Variants in NSF observed in about 807,000 individuals in gnomAD.
NSF encodes the protein N-ethylmaleimide sensitive factor, vesicle fusing ATPase, also known as vesicle-fusing ATPase.
In NSF, 14 loss-of-function variants were observed where a neutral mutation model predicts 50.3. The ratio of observed to expected loss-of-function variants is 0.28; its 90% CI spans 0.18 to 0.44. NSF has a LOEUF of 0.44. NSF is among the 20% of genes least tolerant of loss of function. The probability of loss-of-function intolerance (pLI) is 1.00; values close to 1 mark genes in which losing one functional copy is unlikely to be tolerated. For synonymous variants in NSF, 109 were observed against 175.7 expected (o/e 0.62, Z 3.00); for missense variants, 218 against 504.3 (o/e 0.43, Z 5.44).
Position 46,697,215 on chromosome 17 carries a change from C to CT in NSF, c.1374+2566dup, listed in dbSNP as rs56144516. Among the ~76,000 whole-genome samples, 85 of 122,094 alleles carry CT rather than the reference C, an allele frequency of 7.0e-4. 9 individuals are homozygous for CT. The highest frequency in any genetic ancestry group is 1.3e-3 in the Admixed American group (14 of 10,924). 80.1% of individuals were successfully genotyped at this position (122,094 alleles called of 152,430 possible). On this transcript the variant is annotated intron_variant, in intron 12 of 20. Transcript: ENST00000398238. ...GGTAGGTGTCCAGTAAATTATTTTT[C>CT]TTTTTTTTTTTTTGAAACAGAGTCT...
At chr17:46,610,045 T>TTCTC (rs1351048299) in intron 1 of NSF, among the ~76,000 whole-genome samples, 1 of 86,218 alleles carries the variant, frequency 1.2e-5, no homozygotes, top group Non-Finnish European at 2.8e-5. Context: ...CTCTCTCTCT[T>TTCTC]TCTTTCTTTC....
At chr17:46,708,267 A>G (rs1461309448) in intron 13 of NSF, among the ~76,000 whole-genome samples, 4 of 152,138 alleles carry the variant, frequency 2.6e-5, no homozygotes, top group African/African-American at 7.2e-5. Flanking sequence ...AGGGACCACC[A>G]TACCGTTTTC....
intron 13 of NSF, among the ~76,000 whole-genome samples, chr17:46,707,269 T>C (rs2058666073): frequency 6.6e-6 from 1 of 152,260 alleles, no homozygotes; most frequent in African/African-American, 2.4e-5. Context: ...ACCATATGCA[T>C]GTATTGTGTG....
intron 7 of NSF, among the ~76,000 whole-genome samples, chr17:46,642,599 AGAC>A (rs1027841263): frequency 1.0e-5 from 1 of 100,382 alleles, no homozygotes; most frequent in African/African-American, 4.9e-5. Flanking sequence ...AAAGCAAAGA[AGAC>A]ATCAAACTTG....
At chr17:46,609,780 T>C (rs1176412416) in intron 1 of NSF, among the ~76,000 whole-genome samples, 3 of 143,708 alleles carry the variant, frequency 2.1e-5, no homozygotes, top group African/African-American at 2.6e-5. Context: ...GCATTGAAGA[T>C]GTGCAGTTTA....
chr17:46,721,487 C>T (rs1427448178), intron 15 of NSF: 2 of 759,342 alleles, frequency 2.6e-6, no homozygotes, highest in Non-Finnish European at 4.5e-6. Context: ...ATAATTTTAC[C>T]TGTTCTACAG....
At chr17:46,739,097 C>T (rs1039905790) in intron 17 of NSF, among the ~76,000 whole-genome samples, 7 of 151,812 alleles carry the variant, frequency 4.6e-5, no homozygotes, top group South Asian at 2.1e-4. Context: ...AGTCCAGGCA[C>T]GGTGGCTCAC....
intron 1 of NSF, among the ~76,000 whole-genome samples, chr17:46,610,041 C>CTCTTTCTTTCTTTCTT (rs1555666759): frequency 1.7e-5 from 2 of 118,656 alleles, no homozygotes; most frequent in Admixed American, 9.1e-5. Flanking sequence ...CTCTCTCTCT[C>CTCTTTCTTTCTTTCTT]TCTTTCTTTC....
chr17:46,736,607 G>A (rs2059007884), intron 17 of NSF, among the ~76,000 whole-genome samples: 1 of 151,916 alleles, frequency 6.6e-6, no homozygotes, highest in African/African-American at 2.4e-5. Flanking sequence ...ATGTTACTTT[G>A]ATAATCAGGA....
intron 12 of NSF, among the ~76,000 whole-genome samples, chr17:46,696,296 C>T (rs1392893979): frequency 7.2e-6 from 1 of 138,848 alleles, no homozygotes; most frequent in Non-Finnish European, 1.5e-5. Context: ...GCATGCTAGA[C>T]CCTGTGCTAG....
rs1294098223 is a variant in NSF, at chr17:46,726,556, A to G, written c.1769A>G (p.Asp590Gly). Residue 590 changes from aspartate (D) to glycine (G), a missense_variant, in exon 16 of 21, where the codon GAT becomes GGT. Around this residue, in one of 2 missense-constraint regions of NSF, gnomAD observed 209 missense variants for 320.9 expected, o/e 0.65. Coordinates refer to ENST00000398238, the MANE Select transcript of NSF (RefSeq NM_006178.4). ...AKCQAMKKIFDDAYKSQLSCV... is the reference protein window; with the variant it reads ...AKCQAMKKIFGDAYKSQLSCV... The stretch of plus-strand genomic sequence containing the variant: ...GACTTTGTTTTCTTTCAGATCTTTG[A>G]TGATGCGTACAAATCCCAGCTCAGT... 1 of 1,613,940 alleles carries G rather than the reference A, an allele frequency of 6.2e-7. No individual in the cohort carries two copies. Among genetic ancestry groups the G allele is most frequent in the Non-Finnish European group, 8.5e-7 (1 of 1,179,832 alleles).
rs1383733364 is a variant in NSF, at chr17:46,756,654, A to G, written c.*831A>G. 2.0e-5 allele frequency: 3 copies of G among 152,654 alleles called. No individual in the cohort carries two copies. The highest frequency in any genetic ancestry group is 7.2e-5 in the African/African-American group (3 of 41,466). The allele number at this position is 152,654 out of a possible 1,614,324, so 9.5% of individuals were successfully genotyped here. ...CAGCACTAATTAGTGTCCAACTCCA[A>G]GTGGGTCAATTCCTTAGTATAATAT... is the stretch of plus-strand genomic sequence containing the variant. On this transcript the variant is annotated 3_prime_UTR_variant, in exon 21 of 21. Transcript: ENST00000398238.
chr17:46,752,014 C>T (rs1598741215), intron 19 of NSF, among the ~76,000 whole-genome samples: 1 of 152,286 alleles, frequency 6.6e-6, no homozygotes, highest in East Asian at 1.9e-4. Context: ...TGTTGCACCT[C>T]AAGTCAGTAA....
intron 17 of NSF, among the ~76,000 whole-genome samples, chr17:46,745,450 G>A (rs960283872): frequency 2.6e-5 from 4 of 152,190 alleles, no homozygotes; most frequent in Non-Finnish European, 5.9e-5. Flanking sequence ...ATAAATTAGC[G>A]TCTCCAGTAT....
At chr17:46,712,970 TGACCTTGATGG>T (rs1205641141) in intron 14 of NSF, among the ~76,000 whole-genome samples, 1 of 152,164 alleles carries the variant, frequency 6.6e-6, no homozygotes, top group Non-Finnish European at 1.5e-5. Flanking sequence ...AGATCATTTG[TGACCTTGATGG>T]GAGCCTGTTC....
chr17:46,738,244 T>A (rs1483149762), intron 17 of NSF, among the ~76,000 whole-genome samples: 3 of 152,148 alleles, frequency 2.0e-5, no homozygotes, highest in Non-Finnish European at 4.4e-5. Flanking sequence ...TAAATTTTTT[T>A]AATTAACGTA....
In NSF at chr17:46,755,758, C is replaced by T. The variant is rs374930433; in HGVS notation, c.2214-44C>T. On this transcript the variant is annotated intron_variant, in intron 20 of 20. Transcript: ENST00000398238. ...TTTTTTTTTGATGAATAGTTTTTTA[C>T]GGACCCTCATCTGTTTTTTTGTGTT... 5.1e-5 allele frequency: 72 copies of T among 1,410,750 alleles called. No individual in the cohort carries two copies. In the African/African-American group the frequency reaches 8.7e-4, roughly 17 times the overall value. 87.4% of individuals were successfully genotyped at this position (1,410,750 alleles called of 1,614,324 possible).
chr17:46,691,702 G>A (rs536669131), intron 9 of NSF, among the ~76,000 whole-genome samples: 38 of 151,692 alleles, frequency 2.5e-4, no homozygotes, highest in African/African-American at 7.6e-4. Flanking sequence ...TTTATTATCC[G>A]TATGTTGTCA....
At chr17:46,752,924 T>G (rs2059195681) in intron 19 of NSF, among the ~76,000 whole-genome samples, 1 of 152,058 alleles carries the variant, frequency 6.6e-6, no homozygotes, top group Admixed American at 6.6e-5. Context: ...CCACCCACCA[T>G]GCCTGGCTAA....
Sources: allele counts gnomAD v4.1 joint callset (sites outside exome capture counted in the v4.1 genomes callset), GRCh38; gene constraint gnomAD v4.1.1; regional missense constraint gnomAD v4.1.1; transcripts MANE v1.5; gene names NCBI Gene and HGNC (gene_info 2026-07-23, HGNC 2026-07-21).